The following TMEM108 variants were observed in gnomAD, a reference collection of about 807,000 sequenced individuals.
TMEM108 encodes the protein transmembrane protein 108.
A neutral mutation model predicts 35.1 loss-of-function variants in TMEM108; 12 were observed. The observed-to-expected ratio is 0.34, with a 90% CI of 0.22 to 0.55. The LOEUF is 0.55. Among genes scored for constraint, TMEM108 ranks in the 20% least tolerant of loss-of-function variants. The probability of loss-of-function intolerance (pLI) is 0.89; values close to 1 mark genes in which losing one functional copy is unlikely to be tolerated. For missense variants in TMEM108, 680 were observed against 753.3 expected (o/e 0.90, Z 1.14); for synonymous variants, 287 against 308.6 (o/e 0.93, Z 0.73).
At chr3:133,201,091 G>A (rs1010835159) in intron 2 of TMEM108, among the ~76,000 whole-genome samples, 5 of 152,128 alleles carry the variant, frequency 3.3e-5, no homozygotes, top group African/African-American at 1.2e-4. Context: ...GGATACTGCA[G>A]CAGTCAAGAC....
chr3:133,192,531 G>A (rs1352880120), intron 2 of TMEM108, among the ~76,000 whole-genome samples: 1 of 152,148 alleles, frequency 6.6e-6, no homozygotes, highest in Admixed American at 6.5e-5. Context: ...ACAGAATAAT[G>A]AACTGAGAGG....
intron 3 of TMEM108, among the ~76,000 whole-genome samples, chr3:133,301,359 G>A (rs567437347): frequency 2.0e-5 from 3 of 152,180 alleles, no homozygotes; most frequent in East Asian, 3.9e-4. Flanking sequence ...TGGTTGTCTC[G>A]ACGCAGGAAA....
At chr3:133,179,131 G>T (rs957473668) in intron 2 of TMEM108, among the ~76,000 whole-genome samples, 3 of 149,404 alleles carry the variant, frequency 2.0e-5, no homozygotes, top group East Asian at 1.9e-4. Context: ...AGTTAGAATG[G>T]CGATCATTAA....
intron 2 of TMEM108, among the ~76,000 whole-genome samples, chr3:133,133,045 T>A (rs941756967): frequency 6.6e-6 from 1 of 152,234 alleles, no homozygotes; most frequent in East Asian, 1.9e-4. Flanking sequence ...TTGCTGCTTA[T>A]GGATGAGCAA....
intron 3 of TMEM108, among the ~76,000 whole-genome samples, chr3:133,276,339 C>T (rs16840157): frequency 0.01 from 1,574 of 152,222 alleles, 24 homozygotes; most frequent in African/African-American, 0.034. Context: ...TCTTGTATCA[C>T]GTTTGCTCAG....
At chr3:133,250,740 G>A (rs1182183116) in intron 3 of TMEM108, among the ~76,000 whole-genome samples, 1 of 152,108 alleles carries the variant, frequency 6.6e-6, no homozygotes, top group East Asian at 1.9e-4. Context: ...ATATGATTTG[G>A]GGGGATTTCT....
chr3:133,367,262 T>G (rs2072526892), intron 3 of TMEM108, among the ~76,000 whole-genome samples: 1 of 152,210 alleles, frequency 6.6e-6, no homozygotes, highest in Non-Finnish European at 1.5e-5. Flanking sequence ...TGCTGTCAGG[T>G]GCAGCCATAC....
rs1250043740 is a variant in TMEM108 at position 133,237,609 on chromosome 3, C to T, written c.40+8258C>T. ...GCTTTTACAAGAAGTCTGTGAGGCC[C>T]TTCTTTTTCCAACTATACATATTTA... On this transcript the variant is annotated intron_variant, in intron 3 of 5. Coordinates refer to ENST00000321871, the MANE Select transcript of TMEM108 (RefSeq NM_023943.4). Among the ~76,000 whole-genome samples the T allele has an allele frequency of 2.6e-5, 4 of 152,140 alleles. No individual in the cohort carries two copies. The East Asian group carries it at 5.8e-4, about 22-fold the overall frequency.
intron 2 of TMEM108, among the ~76,000 whole-genome samples, chr3:133,211,917 T>C (rs1945839138): frequency 6.8e-6 from 1 of 147,652 alleles, no homozygotes; most frequent in South Asian, 2.1e-4. Context: ...GACAACCTCC[T>C]TTATTTTATT....
At chr3:133,293,049 C>G (rs1421059745) in intron 3 of TMEM108, among the ~76,000 whole-genome samples, 1 of 152,020 alleles carries the variant, frequency 6.6e-6, no homozygotes, top group Non-Finnish European at 1.5e-5. Context: ...TTCTTAAGAA[C>G]AATAGGGAAC....
intron 3 of TMEM108, among the ~76,000 whole-genome samples, chr3:133,272,330 A>C (rs1946784623): frequency 6.8e-6 from 1 of 146,996 alleles, no homozygotes; most frequent in Non-Finnish European, 1.5e-5. Flanking sequence ...AGGAGGACTT[A>C]TTTTAATATC....
At chr3:133,197,004 T>A (rs1162907194) in intron 2 of TMEM108, among the ~76,000 whole-genome samples, 1 of 152,202 alleles carries the variant, frequency 6.6e-6, no homozygotes, top group East Asian at 1.9e-4. Context: ...ATTGAGAGAA[T>A]GACTATTAGT....
At chr3:133,219,563 A>G (rs905378482) in intron 2 of TMEM108, among the ~76,000 whole-genome samples, 1 of 152,066 alleles carries the variant, frequency 6.6e-6, no homozygotes, top group African/African-American at 2.4e-5. Flanking sequence ...ATTTGTCTCA[A>G]GATAATTTTT....
At chr3:133,108,191 G>T (rs904828884) in intron 2 of TMEM108, among the ~76,000 whole-genome samples, 1 of 151,992 alleles carries the variant, frequency 6.6e-6, no homozygotes, top group Non-Finnish European at 1.5e-5. Context: ...AGATCACACC[G>T]CTGTACTCCA....
chr3:133,368,889 T>C (rs1576511165), intron 3 of TMEM108, among the ~76,000 whole-genome samples: 2 of 152,170 alleles, frequency 1.3e-5, no homozygotes, highest in Non-Finnish European at 2.9e-5. Context: ...CACAGCCCCA[T>C]GGGAGGGTAT....
At chr3:133,207,203 A>G (rs945575980) in intron 2 of TMEM108, among the ~76,000 whole-genome samples, 2 of 152,180 alleles carry the variant, frequency 1.3e-5, no homozygotes, top group Non-Finnish European at 2.9e-5. Context: ...TCCTCAGGAT[A>G]CAGTCCCTCA....
intron 3 of TMEM108, among the ~76,000 whole-genome samples, chr3:133,249,524 A>T (rs942810158): frequency 6.6e-6 from 1 of 152,066 alleles, no homozygotes; most frequent in Non-Finnish European, 1.5e-5. Flanking sequence ...TGAGTACCCA[A>T]TGCTTAGCTC....
At chr3:133,342,553 T>TAC (rs917114357) in intron 3 of TMEM108, among the ~76,000 whole-genome samples, 1 of 89,310 alleles carries the variant, frequency 1.1e-5, no homozygotes, top group Non-Finnish European at 2.3e-5. Context: ...GGTATATATA[T>TAC]ATACACACAC....
chr3:133,132,454 C>A (rs537273013), intron 2 of TMEM108, among the ~76,000 whole-genome samples: 3 of 152,278 alleles, frequency 2.0e-5, no homozygotes, highest in African/African-American at 4.8e-5. Flanking sequence ...ACAACATAGC[C>A]TGGATGACAA....
Sources: allele counts gnomAD v4.1 joint callset (sites outside exome capture counted in the v4.1 genomes callset), GRCh38; gene constraint gnomAD v4.1.1; transcripts MANE v1.5; gene names NCBI Gene and HGNC (gene_info 2026-07-23, HGNC 2026-07-21).